Variants in AGO1 observed in about 807,000 individuals in gnomAD.
AGO1 encodes protein argonaute-1.
Under a neutral mutation model 109.2 loss-of-function variants are expected in AGO1, and 11 were observed. The ratio of observed to expected loss-of-function variants is 0.10; its 90% CI spans 0.06 to 0.17. The LOEUF (loss-of-function observed/expected upper bound fraction) is 0.17, where lower values mean the gene tolerates loss of function less well. Among genes scored for constraint, AGO1 ranks in the 10% least tolerant of loss-of-function variants. The probability of loss-of-function intolerance (pLI) is 1.00; values close to 1 mark genes in which losing one functional copy is unlikely to be tolerated. For missense variants in AGO1, 574 were observed against 1,140.3 expected (o/e 0.50, Z 7.15); for synonymous variants, 422 against 418.6 (o/e 1.01, Z -0.10).
At chr1:35,882,790 C>T, upstream of AGO1, 1 of 985,298 alleles carries the variant, frequency 1.0e-6, no homozygotes, top group Non-Finnish European at 1.2e-6. This position sits in a 1 kb window ranked among gnomAD's most constrained non-coding sequence, Gnocchi z 5.1. Flanking sequence ...AGTCGCTTTG[C>T]AGCCAAGGCT....
intron 1 of AGO1, among the ~76,000 whole-genome samples, chr1:35,876,474 G>A (rs1486332967): frequency 6.6e-6 from 1 of 152,034 alleles, no homozygotes; most frequent in Admixed American, 6.6e-5. Context: ...TACCGTGTTA[G>A]CCAGGATGGT....
At chr1:35,906,059 T>C (rs1307223898) in intron 11 of AGO1, among the ~76,000 whole-genome samples, 2 of 152,238 alleles carry the variant, frequency 1.3e-5, no homozygotes, top group African/African-American at 4.8e-5. Context: ...TCCTGCTGCT[T>C]ATTTCAGTTT....
chr1:35,895,330 A>G, intron 8 of AGO1, 61 bp downstream of exon 8: 1 of 1,509,396 alleles, frequency 6.6e-7, no homozygotes, highest in South Asian at 1.3e-5. Flanking sequence ...GCTGATCATC[A>G]GATGTCTGTT....
rs1645978071 is a variant in AGO1 at position 35,928,694 on chromosome 1, C to CAG, written c.*9088_*9089dup. 1 of 152,218 alleles carries CAG rather than the reference C, an allele frequency of 6.6e-6. No homozygotes were observed. Among genetic ancestry groups the CAG allele is most frequent in the Non-Finnish European group, 1.5e-5 (1 of 68,044 alleles). The allele number at this position is 152,218 out of a possible 1,614,324, so 9.4% of individuals were successfully genotyped here. ...ATATATCTTTTACATCTATTTTTCC[C>CAG]AGTCTGTGGCTTGCCTTTTCATTTT... On this transcript the variant is annotated 3_prime_UTR_variant, in exon 19 of 19. Coordinates refer to ENST00000373204, the MANE Select transcript of AGO1 (RefSeq NM_012199.5).
chr1:35,914,189 C>T lies in AGO1; in HGVS notation c.1748C>T (p.Ala583Val). ...GTTTTCTCTTCCTTGCTCAGCTCTG[C>T]CGTTTTTCAACAGCCAGTGATATTC... ...NNILVPHQRS[A>V]VFQQPVIFLG... The change falls in exon 14 of 19, where the codon GCC (alanine) becomes GTC (valine). Residue 583 changes from alanine to valine, a missense_variant. Ala to Val is a moderately conservative substitution (Grantham distance 64). Transcript: ENST00000373204. 6.2e-7 allele frequency: 1 copy of T among 1,614,102 alleles called. No individual in the cohort carries two copies.
chr1:35,904,063 T>C (rs1343726930), intron 11 of AGO1, among the ~76,000 whole-genome samples: 1 of 150,848 alleles, frequency 6.6e-6, no homozygotes, highest in Non-Finnish European at 1.5e-5. Context: ...AACACCATCA[T>C]AATTGTAGTT....
intron 16 of AGO1, 22 bp from the exon 17 acceptor site, chr1:35,918,300 G>A (rs1645771470): frequency 6.3e-7 from 1 of 1,591,622 alleles, no homozygotes; most frequent in Admixed American, 1.7e-5. Flanking sequence ...TTGGGATCTT[G>A]GTTGTGTTTG....
chr1:35,894,380 C>T lies in AGO1; in HGVS notation c.850C>T (p.Arg284Cys), dbSNP rs1645279527. The change falls in exon 7 of 19, where the codon CGT becomes TGT. Residue 284 changes from arginine to cysteine, a missense_variant. Arg to Cys is a radical substitution (Grantham distance 180, BLOSUM62 -3). Coordinates refer to ENST00000373204, the MANE Select transcript of AGO1 (RefSeq NM_012199.5). ...KRKYRVCNVT[R>C]RPASHQTFPL... ...GAAGTACCGCGTGTGTAATGTTACCCGTCGCCCTGCTAGCCATCAGACGTA... is the reference window on the plus strand; with the variant it reads ...GAAGTACCGCGTGTGTAATGTTACCTGTCGCCCTGCTAGCCATCAGACGTA... 6 of 1,613,990 alleles carry T rather than the reference C, an allele frequency of 3.7e-6. No homozygotes were observed. Among genetic ancestry groups the T allele is most frequent in the Admixed American group, 1.7e-5 (1 of 59,994 alleles).
chr1:35,921,931 G>C lies in AGO1; in HGVS notation c.*2324G>C, dbSNP rs1362408292. 2 of 152,730 alleles carry C rather than the reference G, an allele frequency of 1.3e-5. No individual in the cohort carries two copies. Among genetic ancestry groups the C allele is most frequent in the African/African-American group, 4.8e-5 (2 of 41,466 alleles). The allele number at this position is 152,730 out of a possible 1,614,324, so 9.5% of individuals were successfully genotyped here. A position where few individuals can be genotyped will look rare whatever the true frequency, so the allele number is the denominator to read the frequency against. Reference sequence around the variant, plus strand: ...TAACACTCCATCTGCCCTGTCCATTGCCTTCATATACAGTCTACTTCGTGT... The same window carrying C: ...TAACACTCCATCTGCCCTGTCCATTCCCTTCATATACAGTCTACTTCGTGT... On this transcript the variant is annotated 3_prime_UTR_variant, in exon 19 of 19. Coordinates refer to ENST00000373204, the MANE Select transcript of AGO1 (RefSeq NM_012199.5).
intron 15 of AGO1, among the ~76,000 whole-genome samples, chr1:35,917,037 A>T (rs1056420738): frequency 6.6e-6 from 1 of 152,206 alleles, no homozygotes; most frequent in Non-Finnish European, 1.5e-5. Context: ...TCTGTATCTG[A>T]CATCCACGGC....
rs1490584781 is a variant in AGO1 at position 35,923,177 on chromosome 1, A to G, written c.*3570A>G. ...GAACTTAGGCTTAACATAAAGCCGA[A>G]GAAGGTACCTAGAAATTTGAAACTT... On this transcript the variant is annotated 3_prime_UTR_variant, in exon 19 of 19. Coordinates refer to ENST00000373204, the MANE Select transcript of AGO1 (RefSeq NM_012199.5). 6.6e-6 allele frequency: 1 copy of G among 152,234 alleles called. No individual in the cohort carries two copies. The highest frequency in any genetic ancestry group is 1.5e-5 in the Non-Finnish European group (1 of 68,044). The allele number at this position is 152,234 out of a possible 1,614,324, so 9.4% of individuals were successfully genotyped here.
intron 12 of AGO1, 110 bp downstream of exon 12, chr1:35,907,229 TTAC>T (rs1645539089): frequency 9.8e-7 from 1 of 1,018,468 alleles, no homozygotes; most frequent in Non-Finnish European, 1.4e-6. Flanking sequence ...ACCAGAGCTG[TTAC>T]TTAATGTCAG....
chr1:35,915,892 T>C (rs1158717177), intron 15 of AGO1, among the ~76,000 whole-genome samples: 1 of 152,144 alleles, frequency 6.6e-6, no homozygotes, highest in African/African-American at 2.4e-5. Flanking sequence ...ATTCAGTGAG[T>C]CTTGGATGAG....
chr1:35,883,622 A>G lies in AGO1; in HGVS notation c.25+176A>G, dbSNP rs1177951011. Among the ~76,000 whole-genome samples, 1 of 152,100 alleles carries G rather than the reference A, an allele frequency of 6.6e-6. No homozygotes were observed. Among genetic ancestry groups the G allele is most frequent in the Non-Finnish European group, 1.5e-5 (1 of 67,996 alleles). ...TTCCGGGGGAGAACCATGTGAAGAGAGCCCTGAGATGGGGGCTGTTTGTCC... is the reference window on the plus strand; with the variant it reads ...TTCCGGGGGAGAACCATGTGAAGAGGGCCCTGAGATGGGGGCTGTTTGTCC... On this transcript the variant is annotated intron_variant, in intron 1 of 18. Transcript: ENST00000373204. This position sits in a 1 kb window ranked among gnomAD's most constrained non-coding sequence, Gnocchi z 5.4.
At chr1:35,911,504 T>C (rs1189663022) in intron 12 of AGO1, among the ~76,000 whole-genome samples, 1 of 152,152 alleles carries the variant, frequency 6.6e-6, no homozygotes, top group Non-Finnish European at 1.5e-5. Flanking sequence ...ATTTTTTTTT[T>C]TCTCCCTCTC....
chr1:35,913,260 C>G (rs2148722734), intron 12 of AGO1, among the ~76,000 whole-genome samples: 2 of 152,182 alleles, frequency 1.3e-5, no homozygotes, highest in South Asian at 4.1e-4. Context: ...ACCTCATGAT[C>G]CACCCGCCTC....
At chr1:35,878,789 T>C (rs1471472722), upstream of AGO1, among the ~76,000 whole-genome samples, 8 of 152,218 alleles carry the variant, frequency 5.3e-5, no homozygotes, top group Admixed American at 5.2e-4. Flanking sequence ...AATTAGTTAT[T>C]ACTGGTACCA....
chr1:35,874,162 A>G (rs1452316940), intron 1 of AGO1, among the ~76,000 whole-genome samples: 4 of 152,150 alleles, frequency 2.6e-5, no homozygotes, highest in African/African-American at 9.7e-5. Context: ...TACCAATGTC[A>G]TGGGCTTTGT....
At chr1:35,904,509 T>G (rs896504289) in intron 11 of AGO1, among the ~76,000 whole-genome samples, 1 of 152,228 alleles carries the variant, frequency 6.6e-6, no homozygotes, top group Non-Finnish European at 1.5e-5. Flanking sequence ...TGTAGTTCTA[T>G]TCTCTATGTG....
Sources: gnomAD v4.1 joint callset for allele counts (sites outside exome capture counted in the v4.1 genomes callset) on GRCh38, gnomAD v4.1.1 for gene constraint, Gnocchi (gnomAD v3.1) non-coding constraint, MANE v1.5 for transcripts, NCBI Gene and HGNC (gene_info 2026-07-23, HGNC 2026-07-21) for gene names.